The following STS variants were observed in gnomAD, a reference collection of about 807,000 sequenced individuals.
The protein encoded by STS is steryl-sulfatase.
Under a neutral mutation model 26.8 loss-of-function variants are expected in STS, and 7 were observed. That is an observed-to-expected ratio of 0.26 (90% CI 0.15 to 0.49). The LOEUF (loss-of-function observed/expected upper bound fraction) is 0.49. Among genes scored for constraint, STS ranks in the 20% least tolerant of loss-of-function variants. STS has a pLI of 0.98. For synonymous variants in STS, 199 were observed against 189.4 expected, an observed-to-expected ratio of 1.05 and a Z score of -0.42; for missense variants, 434 against 465.6, an observed-to-expected ratio of 0.93 and a Z score of 0.63.
chrX:7,317,075 G>C (rs769785917), intron 8 of STS, among the ~76,000 whole-genome samples: 1 of 112,053 alleles, frequency 8.9e-6, no homozygotes, highest in Non-Finnish European at 1.9e-5. Flanking sequence ...AAGAGTCTTT[G>C]AGTAAATTGT....
In STS at chrX:7,170,763, G is replaced by A. The variant is rs113325894; in HGVS notation, c.-133-20117G>A. On this transcript the variant is annotated intron_variant, in intron 1 of 10. Transcript: ENST00000674429. The stretch of plus-strand genomic sequence containing the variant: ...GCCTCCCAAAGCACTGGGATTATAC[G>A]TGTGAGCCACTGTACCAGGCATAAA... Among the ~76,000 whole-genome samples the A allele has an allele frequency of 3.8e-3, 426 of 110,859 alleles. 2 individuals are homozygous for A. The highest frequency in any genetic ancestry group is 0.013 in the African/African-American group (411 of 30,509).
At position 7,305,920 on chromosome X, in the gene STS, T is replaced by G. The variant is rs755582320; in HGVS notation, c.1081+737T>G. 2.7e-5 allele frequency among the ~76,000 whole-genome samples: 3 copies of G among 112,036 alleles called. No homozygotes were observed. The East Asian group carries it at 8.5e-4, about 32-fold the overall frequency. On this transcript the variant is annotated intron_variant, in intron 8 of 10. Transcript: ENST00000674429. ...GTCTTTTGCCATGGGGTGTAACATA[T>G]TCACAGGTTACAGGGATTAGGACGA...
chrX:7,267,151 A>T (rs1240135263), intron 6 of STS, among the ~76,000 whole-genome samples: 1 of 112,149 alleles, frequency 8.9e-6, no homozygotes, highest in African/African-American at 3.2e-5. Flanking sequence ...CGGTAGACTT[A>T]TTGAGTGAGG....
chrX:7,255,787 T>C (rs1197049570), intron 3 of STS, among the ~76,000 whole-genome samples: 1 of 112,436 alleles, frequency 8.9e-6, no homozygotes, highest in Non-Finnish European at 1.9e-5. Flanking sequence ...GAAATATTGG[T>C]AATTAAACAC....
chrX:7,302,307 C>T (rs1166210143), intron 7 of STS, among the ~76,000 whole-genome samples: 1 of 111,192 alleles, frequency 9.0e-6, no homozygotes, highest in Non-Finnish European at 1.9e-5. Flanking sequence ...GGGGTTATAG[C>T]GCCTTATTGT....
At chrX:7,271,975 G>T (rs959800086) in intron 6 of STS, among the ~76,000 whole-genome samples, 1 of 109,733 alleles carries the variant, frequency 9.1e-6, no homozygotes, top group Non-Finnish European at 1.9e-5. Flanking sequence ...GGAGTAGGGG[G>T]TTAATAAATG....
At chrX:7,306,921 C>A (rs1161545629) in intron 8 of STS, among the ~76,000 whole-genome samples, 1 of 111,820 alleles carries the variant, frequency 8.9e-6, no homozygotes, top group Non-Finnish European at 1.9e-5. Flanking sequence ...AGAAATAGTC[C>A]TCTGTAGTCT....
At chrX:7,325,597 G>C (rs1432630990) in intron 9 of STS, 99 bp downstream of exon 9, 8 of 1,022,922 alleles carry the variant, frequency 7.8e-6, no homozygotes, top group African/African-American at 1.9e-5. Flanking sequence ...CAAGGCCTTT[G>C]GCCCCCTGGA....
intron 1 of STS, among the ~76,000 whole-genome samples, chrX:7,161,255 C>T (rs754062715): frequency 1.8e-5 from 2 of 111,499 alleles, no homozygotes; most frequent in Non-Finnish European, 3.8e-5. Flanking sequence ...GCATGAGCCA[C>T]TGCATCCGGC....
intron 8 of STS, among the ~76,000 whole-genome samples, chrX:7,310,046 A>G (rs1425700179): frequency 5.3e-5 from 6 of 112,152 alleles, no homozygotes; most frequent in African/African-American, 1.9e-4. Flanking sequence ...TGTCAACCTA[A>G]TAAAACCAAT....
In STS at chrX:7,349,315, C is replaced by CTTTTTTTTT. The variant is rs1928669611; in HGVS notation, c.1364-573_1364-572insTTTTTTTTT. 2.5e-4 allele frequency among the ~76,000 whole-genome samples: 5 copies of CTTTTTTTTT among 20,285 alleles called. 2 individuals carry two copies. Among genetic ancestry groups the CTTTTTTTTT allele is most frequent in the Non-Finnish European group, 4.5e-4 (5 of 11,002 alleles). 17.6% of individuals were successfully genotyped at this position (20,285 alleles called of 115,157 possible). A position where few individuals can be genotyped will look rare whatever the true frequency, so the allele number is the denominator to read the frequency against. On this transcript the variant is annotated intron_variant, in intron 10 of 10. Transcript: ENST00000674429. ...CGCTGCACTCGGCCCTCATTTAATT[C>CTTTTTTTTT]CTTTTTTTTTTTTTTTTTTTTTTTT...
chrX:7,175,612 A>G (rs1423473298), intron 1 of STS, among the ~76,000 whole-genome samples: 10 of 112,523 alleles, frequency 8.9e-5, no homozygotes, highest in Admixed American at 2.8e-4. Context: ...GAATGAAGAT[A>G]ACACCCAGCA....
chrX:7,347,619 G>A (rs1381364581), intron 10 of STS, among the ~76,000 whole-genome samples: 1 of 111,179 alleles, frequency 9.0e-6, no homozygotes, highest in Non-Finnish European at 1.9e-5. Context: ...GAAAATACAG[G>A]CTCTTTACAT....
intron 7 of STS, among the ~76,000 whole-genome samples, chrX:7,296,007 G>A (rs6639810): frequency 0.36 from 39,797 of 110,404 alleles, 5,291 homozygotes; most frequent in East Asian, 0.41. Flanking sequence ...CGTGAGTCTC[G>A]ATGGTGTGGT....
At chrX:7,173,142 A>G (rs775616931) in intron 1 of STS, among the ~76,000 whole-genome samples, 3 of 110,556 alleles carry the variant, frequency 2.7e-5, no homozygotes, top group Admixed American at 1.9e-4. Flanking sequence ...CCCTGTAGGC[A>G]TGTGTTCTCA....
At chrX:7,332,017 T>A (rs1927773816) in intron 9 of STS, among the ~76,000 whole-genome samples, 1 of 111,453 alleles carries the variant, frequency 9.0e-6, no homozygotes, top group African/African-American at 3.3e-5. Context: ...GAAAAAATAA[T>A]TATAAGACTT....
At chrX:7,273,530 C>T (rs1325571091) in intron 6 of STS, among the ~76,000 whole-genome samples, 1 of 112,015 alleles carries the variant, frequency 8.9e-6, no homozygotes, top group Non-Finnish European at 1.9e-5. Flanking sequence ...TCCTACCCCA[C>T]ACTTAGAAAG....
At chrX:7,169,545 C>T (rs1039699306) in intron 1 of STS, among the ~76,000 whole-genome samples, 18 of 111,791 alleles carry the variant, frequency 1.6e-4, no homozygotes, top group African/African-American at 5.9e-4. Context: ...TGGGTGTATA[C>T]CTCACAGTAG....
At chrX:7,153,911 C>T (rs1259040607) in intron 1 of STS, among the ~76,000 whole-genome samples, 1 of 107,681 alleles carries the variant, frequency 9.3e-6, no homozygotes, top group Non-Finnish European at 1.9e-5. Context: ...TCTCTGCTTC[C>T]TTCCCTTCCT....
Sources: gnomAD v4.1 joint callset for allele counts (sites outside exome capture counted in the v4.1 genomes callset) on GRCh38, gnomAD v4.1.1 for gene constraint, MANE v1.5 for transcripts, NCBI Gene and HGNC (gene_info 2026-07-23, HGNC 2026-07-21) for gene names.